The following PRDM2 variants were observed in gnomAD, a reference collection of about 807,000 sequenced individuals.
The protein encoded by PRDM2 is PR/SET domain 2.
Under a neutral mutation model 130.0 loss-of-function variants are expected in PRDM2, and 30 were observed. That is an observed-to-expected ratio of 0.23 (90% CI 0.17 to 0.31). The LOEUF (loss-of-function observed/expected upper bound fraction) is 0.31. Ranked by LOEUF, PRDM2 falls within the 10% of genes least tolerant of loss-of-function variation. The probability of loss-of-function intolerance (pLI) is 1.00; values close to 1 mark genes in which losing one functional copy is unlikely to be tolerated. For synonymous variants in PRDM2, 871 were observed against 782.4 expected (o/e 1.11, Z -1.89); for missense variants, 2,011 against 2,108.4 (o/e 0.95, Z 0.90).
rs1293389052 is a variant in PRDM2, at chr1:13,700,284, T to TGGCGCGGCG, written c.-74_-66dup. On this transcript the variant is annotated 5_prime_UTR_variant, in exon 1 of 10. Coordinates refer to ENST00000311066, the MANE Select transcript of PRDM2 (RefSeq NM_001393986.1). ...GGCGGCCCTCGGTGCTCTGAGGCGC[T>TGGCGCGGCG]GGCGCGGCGGGCGCGGGTAAGGAGT... 1 of 149,418 alleles carries TGGCGCGGCG rather than the reference T, an allele frequency of 6.7e-6. No individual in the cohort carries two copies. Among genetic ancestry groups the TGGCGCGGCG allele is most frequent in the Non-Finnish European group, 1.5e-5 (1 of 66,804 alleles). The allele number at this position is 149,418 out of a possible 1,614,324, so 9.3% of individuals were successfully genotyped here.
chr1:13,723,021 T>G (rs1642784763), intron 2 of PRDM2, among the ~76,000 whole-genome samples: 1 of 152,136 alleles, frequency 6.6e-6, no homozygotes, highest in African/African-American at 2.4e-5. Context: ...CTGCCTTGGT[T>G]TTGCATGTTC....
rs780383790 is a variant in PRDM2 at position 13,779,745 on chromosome 1, T to G, written c.1950T>G (p.Ile650Met). The G allele has an allele frequency of 1.9e-6, 3 of 1,614,082 alleles. No individual in the cohort carries two copies. The highest frequency in any genetic ancestry group is 3.3e-5 in the Admixed American group (2 of 60,010). Residue 650 changes from isoleucine (I) to methionine (M), a missense_variant, in exon 8 of 10, where the codon ATT becomes ATG. Coordinates refer to ENST00000311066, the MANE Select transcript of PRDM2 (RefSeq NM_001393986.1). The surrounding 1 kb of genome is among the most constrained non-coding windows in gnomAD (Gnocchi z 4.9). ...RTASPPALPK[I>M]KAETDSDPMV... Reference sequence around the variant, plus strand: ...CGAGCCCACCTGCACTGCCCAAAATTAAGGCCGAAACAGACTCTGACCCCA... The same window carrying G: ...CGAGCCCACCTGCACTGCCCAAAATGAAGGCCGAAACAGACTCTGACCCCA...
At position 13,780,771 on chromosome 1, in the gene PRDM2, C is replaced by G; in HGVS notation, c.2976C>G (p.Thr992=). ...VATPPPPLLP[T]VPLPAPSSSA... is the part of the protein sequence containing the mutation. ...CTCCGCCCCCTCCCCTCCTTCCTAC[C>G]GTACCTCTTCCAGCCCCCTCTTCCA... Residue 992 remains threonine (T), a synonymous_variant, in exon 8 of 10, where the codon ACC becomes ACG. Transcript: ENST00000311066. 8 of 1,576,242 alleles carry G rather than the reference C, an allele frequency of 5.1e-6. No homozygotes were observed. The highest frequency in any genetic ancestry group is 6.9e-6 in the Non-Finnish European group (8 of 1,158,616).
At position 13,706,925 on chromosome 1, in the gene PRDM2, C is replaced by T. The variant is rs181687330; in HGVS notation, c.-66+6625C>T. ...AGTAACATATTTAGAGAATAAATCC[C>T]AAATCTCAAATTATTTAAAATAGAA... On this transcript the variant is annotated intron_variant, in intron 1 of 9. Transcript: ENST00000311066. Among the ~76,000 whole-genome samples the T allele has an allele frequency of 7.7e-3, 1,153 of 150,676 alleles. 18 individuals are homozygous for T. Among genetic ancestry groups the T allele is most frequent in the Non-Finnish European group, 8.2e-3 (557 of 67,720 alleles).
At chr1:13,810,444 T>C (rs76252241) in intron 8 of PRDM2, among the ~76,000 whole-genome samples, 2,324 of 152,290 alleles carry the variant, frequency 0.015, 51 homozygotes, top group South Asian at 0.089. Context: ...GAATTGTGTG[T>C]ACAGTAAGAA....
chr1:13,737,486 T>C (rs956435714), intron 4 of PRDM2, among the ~76,000 whole-genome samples: 1 of 152,202 alleles, frequency 6.6e-6, no homozygotes, highest in African/African-American at 2.4e-5. Flanking sequence ...GAAAGTTTGC[T>C]GAGCCCTGGT....
rs138235195 is a variant in PRDM2, at chr1:13,817,765, C to T, written c.*23+1195C>T. On this transcript the variant is annotated intron_variant, in intron 9 of 9. Transcript: ENST00000311066. ...CTGTAATCCCAGCACTTTGGGAGGC[C>T]GAGGCAGGTGGATCACGAGATCAGG... Among the ~76,000 whole-genome samples the T allele has an allele frequency of 3.8e-4, 58 of 151,994 alleles. 2 individuals carry two copies. The highest frequency in any genetic ancestry group is 1.2e-3 in the African/African-American group (48 of 41,430).
At chr1:13,799,915 C>T (rs1644981249) in intron 8 of PRDM2, among the ~76,000 whole-genome samples, 1 of 152,214 alleles carries the variant, frequency 6.6e-6, no homozygotes, top group Non-Finnish European at 1.5e-5. Context: ...GGGACCAGGG[C>T]AGAGATGGTA....
intron 8 of PRDM2, among the ~76,000 whole-genome samples, chr1:13,785,561 G>A (rs1644716508): frequency 6.6e-6 from 1 of 152,074 alleles, no homozygotes; most frequent in Non-Finnish European, 1.5e-5. Context: ...CAGACAAGGT[G>A]TCAAAAAGCC....
chr1:13,732,829 G>C lies in PRDM2; in HGVS notation c.178G>C (p.Val60Leu). ...AAAAGGCAAAAAATTTGGGCCATTTGTTGGTGATAAGAAAAAAAGATCTCA... is the reference window on the plus strand; with the variant it reads ...AAAAGGCAAAAAATTTGGGCCATTTCTTGGTGATAAGAAAAAAAGATCTCA... ...ILKGKKFGPFVGDKKKRSQVK... is the reference protein window; with the variant it reads ...ILKGKKFGPFLGDKKKRSQVK... The change falls in exon 4 of 10, where the codon GTT becomes CTT. Residue 60 changes from valine to leucine, a missense_variant. Val to Leu is a conservative substitution (Grantham distance 32). Transcript: ENST00000311066. 2 of 1,608,688 alleles carry C rather than the reference G, an allele frequency of 1.2e-6. No individual in the cohort carries two copies. Among genetic ancestry groups the C allele is most frequent in the Non-Finnish European group, 1.7e-6 (2 of 1,177,972 alleles).
intron 8 of PRDM2, among the ~76,000 whole-genome samples, chr1:13,791,440 C>T (rs576828131): frequency 1.6e-4 from 25 of 152,282 alleles, no homozygotes; most frequent in African/African-American, 5.8e-4. Context: ...TAGTAATACC[C>T]TTTGATTTTG....
intron 8 of PRDM2, among the ~76,000 whole-genome samples, chr1:13,811,986 CAG>C (rs1351713015): frequency 6.6e-6 from 1 of 152,216 alleles, no homozygotes; most frequent in Admixed American, 6.5e-5. Context: ...AGGGTGAACA[CAG>C]AGTGCGTGAG....
intron 8 of PRDM2, among the ~76,000 whole-genome samples, chr1:13,814,423 C>G (rs1645225158): frequency 6.6e-6 from 1 of 152,240 alleles, no homozygotes; most frequent in Non-Finnish European, 1.5e-5. Context: ...AACAGCAGGT[C>G]TCTTAGTCTT....
chr1:13,743,024 G>A (rs1045717875), intron 5 of PRDM2, among the ~76,000 whole-genome samples: 1 of 152,204 alleles, frequency 6.6e-6, no homozygotes, highest in Admixed American at 6.5e-5. Context: ...GGACATGAGT[G>A]TGAGGAAGCG....
chr1:13,793,461 T>C (rs1644873902), intron 8 of PRDM2, among the ~76,000 whole-genome samples: 1 of 152,170 alleles, frequency 6.6e-6, no homozygotes, highest in African/African-American at 2.4e-5. Flanking sequence ...ACTTGGATGA[T>C]GGTGATCACT....
chr1:13,763,518 GT>G (rs1644152847), intron 6 of PRDM2, among the ~76,000 whole-genome samples: 1 of 152,128 alleles, frequency 6.6e-6, no homozygotes, highest in African/African-American at 2.4e-5. Flanking sequence ...GTTTTCCTGA[GT>G]TTTATGGGTA....
At chr1:13,720,223 A>G (rs1642678472) in intron 2 of PRDM2, among the ~76,000 whole-genome samples, 1 of 152,270 alleles carries the variant, frequency 6.6e-6, no homozygotes, top group African/African-American at 2.4e-5. Context: ...AAATAAAAAC[A>G]TTAGTATGTG....
At chr1:13,740,665 A>T (rs1202872103) in intron 4 of PRDM2, among the ~76,000 whole-genome samples, 1 of 152,224 alleles carries the variant, frequency 6.6e-6, no homozygotes, top group African/African-American at 2.4e-5. Context: ...TTAACTTTTG[A>T]GCCTCAATTT....
chr1:13,810,979 G>A (rs984504380), intron 8 of PRDM2, among the ~76,000 whole-genome samples: 1 of 151,478 alleles, frequency 6.6e-6, no homozygotes, highest in South Asian at 2.1e-4. Flanking sequence ...GAGGTGAGGA[G>A]TTGAGACCAG....
Sources: gnomAD v4.1 joint callset for allele counts (sites outside exome capture counted in the v4.1 genomes callset) on GRCh38, gnomAD v4.1.1 for gene constraint, Gnocchi (gnomAD v3.1) non-coding constraint, MANE v1.5 for transcripts, NCBI Gene and HGNC (gene_info 2026-07-23, HGNC 2026-07-21) for gene names.